Variants in PPP6R2 observed in about 807,000 individuals in gnomAD.
PPP6R2 encodes the protein protein phosphatase 6 regulatory subunit 2.
Under a neutral mutation model 100.2 loss-of-function variants are expected in PPP6R2, and 62 were observed. The observed-to-expected ratio is 0.62, with a 90% CI of 0.50 to 0.76. PPP6R2 has a LOEUF of 0.76. PPP6R2 is among the 30% of genes least tolerant of loss of function. PPP6R2 has a pLI of 0.00. For synonymous variants in PPP6R2, 525 were observed against 514.7 expected (o/e 1.02, Z -0.27); for missense variants, 1,142 against 1,276.3 (o/e 0.89, Z 1.60).
At chr22:50,355,699 T>C (rs2148202045) in intron 1 of PPP6R2, among the ~76,000 whole-genome samples, 1 of 150,694 alleles carries the variant, frequency 6.6e-6, no homozygotes, top group Middle Eastern at 3.4e-3. Flanking sequence ...TTTTTTCTAT[T>C]TTTAGTAGAG....
intron 8 of PPP6R2, 139 bp from the exon 9 acceptor site, chr22:50,422,115 G>C (rs1306820222): frequency 1.5e-5 from 16 of 1,050,480 alleles, no homozygotes; most frequent in East Asian, 1.5e-4. Context: ...TGGAGACGCT[G>C]GGTAGCTGCA....
chr22:50,391,974 A>G (rs190075297), intron 2 of PPP6R2: 6 of 150,952 alleles, frequency 4.0e-5, no homozygotes, highest in African/African-American at 1.5e-4. Context: ...AAGCCTTGAC[A>G]AGGTTGGATT....
At chr22:50,340,280 G>A (rs2042357792), upstream of PPP6R2, among the ~76,000 whole-genome samples, 1 of 124,660 alleles carries the variant, frequency 8.0e-6, no homozygotes, top group Non-Finnish European at 1.6e-5. Flanking sequence ...TGTGTGGTAT[G>A]TGGTATGTGT....
intron 22 of PPP6R2, among the ~76,000 whole-genome samples, chr22:50,442,056 G>T (rs1382631853): frequency 6.6e-6 from 1 of 152,158 alleles, no homozygotes; most frequent in Non-Finnish European, 1.5e-5. Flanking sequence ...TTCACATCTG[G>T]TGGTGCATCC....
the PPP6R2 span, among the ~76,000 whole-genome samples, chr22:50,330,991 G>A: frequency 2.5e-4 from 38 of 152,280 alleles, no homozygotes; most frequent in South Asian, 1.2e-3. Context: ...CTCCAGGACT[G>A]TAAGGTAATA....
chr22:50,381,410 CCACACGGGCCCCACCTCAGCAT>C (rs1230361053), intron 2 of PPP6R2, among the ~76,000 whole-genome samples: 14 of 72,900 alleles, frequency 1.9e-4, no homozygotes, highest in African/African-American at 3.8e-4. Context: ...CACCTCAGCA[CCACACGGGCCCCACCTCAGCAT>C]CACACGGGCC....
intron 10 of PPP6R2, among the ~76,000 whole-genome samples, chr22:50,428,862 T>C (rs766742616): frequency 5.9e-5 from 9 of 152,214 alleles, no homozygotes; most frequent in Non-Finnish European, 1.3e-4. Context: ...GAAGACCGAA[T>C]AGCAGTGGTG....
chr22:50,442,255 T>C (rs2065832422), intron 22 of PPP6R2, among the ~76,000 whole-genome samples: 2 of 152,206 alleles, frequency 1.3e-5, no homozygotes, highest in Non-Finnish European at 2.9e-5. Flanking sequence ...GGAGAGTCTG[T>C]GTGGTACTGG....
At chr22:50,378,636 A>G (rs2148636189) in intron 2 of PPP6R2, among the ~76,000 whole-genome samples, 1 of 151,880 alleles carries the variant, frequency 6.6e-6, no homozygotes, top group East Asian at 1.9e-4. Flanking sequence ...CAGAATTCAT[A>G]TTGAAACTTA....
chr22:50,339,054 TA>T (rs2042337974), upstream of PPP6R2, among the ~76,000 whole-genome samples: 1 of 122,452 alleles, frequency 8.2e-6, no homozygotes, highest in African/African-American at 3.3e-5. Flanking sequence ...TGTAGTGTGT[TA>T]TGTGGTGTGG....
At chr22:50,393,759 C>G (rs146661321) in intron 2 of PPP6R2, 134 bp from the exon 3 acceptor site, 2 of 1,488,224 alleles carry the variant, frequency 1.3e-6, no homozygotes, top group South Asian at 1.4e-5. Flanking sequence ...GATGGACTTC[C>G]AGGACTTGGG....
chr22:50,382,962 C>T (rs922252300), intron 2 of PPP6R2, among the ~76,000 whole-genome samples: 11 of 152,006 alleles, frequency 7.2e-5, no homozygotes, highest in African/African-American at 2.4e-4. Context: ...CTCAGTCTCC[C>T]GAGTAGCTGT....
intron 2 of PPP6R2, chr22:50,393,434 C>T: frequency 2.0e-6 from 2 of 985,102 alleles, no homozygotes; most frequent in Non-Finnish European, 2.4e-6. Context: ...GGACAGAAGA[C>T]ATCCCTGACA....
chr22:50,375,009 A>G (rs879550178), intron 2 of PPP6R2, among the ~76,000 whole-genome samples: 25 of 152,186 alleles, frequency 1.6e-4, no homozygotes, highest in African/African-American at 6.0e-4. Context: ...GTGTTAAGGT[A>G]AAGTTAAAAG....
At chr22:50,405,438 A>G (rs1161987611) in intron 3 of PPP6R2, among the ~76,000 whole-genome samples, 720 of 80,500 alleles carry the variant, frequency 8.9e-3, no homozygotes, top group Non-Finnish European at 0.013. Flanking sequence ...CCTGGCAGGC[A>G]AGTGTGAAGG....
In PPP6R2 at chr22:50,437,542, A is replaced by G; in HGVS notation, c.1720A>G (p.Asn574Asp). 7.5e-7 allele frequency: 1 copy of G among 1,341,198 alleles called. No homozygotes were observed. Among genetic ancestry groups the G allele is most frequent in the Non-Finnish European group, 9.8e-7 (1 of 1,018,722 alleles). The allele number at this position is 1,341,198 out of a possible 1,614,324, so 83.1% of individuals were successfully genotyped here. A position where few individuals can be genotyped will look rare whatever the true frequency, so the allele number is the denominator to read the frequency against. The change falls in exon 16 of 24, where the codon AAC becomes GAC. Residue 574 changes from asparagine (N) to aspartate (D), a missense_variant. Coordinates refer to ENST00000612753, the MANE Select transcript of PPP6R2 (RefSeq NM_001242898.2). The part of the protein sequence containing the change: ...SDYQIQQMTA[N>D]FVDQFGFNDE... Reference sequence around the variant, plus strand: ...CTACCAGATCCAGCAGATGACAGCCAACTTCGTGGATCAGTTTGGCTTCAA... The same window carrying G: ...CTACCAGATCCAGCAGATGACAGCCGACTTCGTGGATCAGTTTGGCTTCAA...
intron 1 of PPP6R2, among the ~76,000 whole-genome samples, chr22:50,357,035 A>G (rs967543140): frequency 3.3e-5 from 5 of 152,118 alleles, no homozygotes; most frequent in South Asian, 2.1e-4. Flanking sequence ...CTCCTTGCCT[A>G]TGACAGCACT....
intron 2 of PPP6R2, among the ~76,000 whole-genome samples, chr22:50,388,441 C>T (rs1661057986): frequency 6.6e-6 from 1 of 150,798 alleles, no homozygotes; most frequent in Non-Finnish European, 1.5e-5. Flanking sequence ...TGGCTCATGT[C>T]TGTAATTTTA....
At chr22:50,339,770 GGTATGTGGT>G (rs1422728205), upstream of PPP6R2, among the ~76,000 whole-genome samples, 1 of 122,434 alleles carries the variant, frequency 8.2e-6, no homozygotes, top group African/African-American at 3.7e-5. Context: ...TGGTGTGTGT[GGTATGTGGT>G]GTGTGTGTGG....
Sources: allele counts gnomAD v4.1 joint callset (sites outside exome capture counted in the v4.1 genomes callset), GRCh38; gene constraint gnomAD v4.1.1; transcripts MANE v1.5; gene names NCBI Gene and HGNC (gene_info 2026-07-23, HGNC 2026-07-21).